Variants in SPAG16 observed in about 807,000 individuals in gnomAD.
SPAG16 encodes the protein sperm-associated antigen 16 protein.
SPAG16 carries 86 observed loss-of-function variants against 80.4 expected under a neutral mutation model. The ratio of observed to expected loss-of-function variants is 1.07; its 90% CI spans 0.90 to 1.28. The LOEUF is 1.28. SPAG16 is among the 50% of genes most tolerant of loss of function. The pLI, the probability that SPAG16 is intolerant of heterozygous loss-of-function variation, is 0.00. For synonymous variants in SPAG16, 294 were observed against 265.9 expected (o/e 1.11, Z -1.03); for missense variants, 870 against 765.3 (o/e 1.14, Z -1.61).
intron 10 of SPAG16, among the ~76,000 whole-genome samples, chr2:213,561,475 T>C (rs147343462): frequency 6.6e-6 from 1 of 152,278 alleles, no homozygotes; most frequent in Admixed American, 6.5e-5. Context: ...ATAGATATTC[T>C]ATTTACCTTG....
intron 7 of SPAG16, among the ~76,000 whole-genome samples, chr2:213,361,430 T>A (rs563590690): frequency 7.0e-6 from 1 of 143,270 alleles, no homozygotes; most frequent in Admixed American, 6.9e-5. Context: ...ATATATATAT[T>A]TTAGGTCTGT....
intron 10 of SPAG16, among the ~76,000 whole-genome samples, chr2:213,617,648 A>T (rs1049849644): frequency 6.6e-6 from 1 of 150,652 alleles, no homozygotes; most frequent in Non-Finnish European, 1.5e-5. Flanking sequence ...GCCCAAAATA[A>T]TTTTTTTTTT....
At chr2:213,762,387 A>G (rs1357857143) in intron 10 of SPAG16, among the ~76,000 whole-genome samples, 7 of 152,192 alleles carry the variant, frequency 4.6e-5, no homozygotes, top group Non-Finnish European at 1.0e-4. Flanking sequence ...TTACCACGAT[A>G]AAAAATGGAG....
chr2:213,616,141 A>G (rs2061589276), intron 10 of SPAG16, among the ~76,000 whole-genome samples: 1 of 152,224 alleles, frequency 6.6e-6, no homozygotes, highest in Non-Finnish European at 1.5e-5. Context: ...AAAGCCATGT[A>G]CCATTAAGTG....
intron 12 of SPAG16, among the ~76,000 whole-genome samples, chr2:213,965,663 G>C (rs2044673402): frequency 6.6e-6 from 1 of 152,042 alleles, no homozygotes; most frequent in Non-Finnish European, 1.5e-5. Context: ...AATTGCTTAC[G>C]ACCAAAGTCA....
rs183934364 is a variant in SPAG16, at chr2:213,330,131, G to A, written c.537-10032G>A. On this transcript the variant is annotated intron_variant, in intron 5 of 15. Coordinates refer to ENST00000331683, the MANE Select transcript of SPAG16 (RefSeq NM_024532.5). ...TGGAGAACCTCTGCTAAGGCAGTGC[G>A]GAAGGGAAATATGGGGTGGGAGCCC... is the stretch of plus-strand genomic sequence containing the variant. 8.8e-3 allele frequency among the ~76,000 whole-genome samples: 1,341 copies of A among 152,348 alleles called. 8 individuals are homozygous for A. Among genetic ancestry groups the A allele is most frequent in the Non-Finnish European group, 0.013 (918 of 68,038 alleles).
intron 15 of SPAG16, among the ~76,000 whole-genome samples, chr2:214,186,435 A>G (rs887826109): frequency 2.0e-5 from 3 of 152,170 alleles, no homozygotes; most frequent in African/African-American, 7.2e-5. Flanking sequence ...TTGGGGCTTG[A>G]GAAGAATGAG....
intron 15 of SPAG16, among the ~76,000 whole-genome samples, chr2:214,234,996 C>G (rs1024216806): frequency 6.6e-6 from 1 of 151,978 alleles, no homozygotes; most frequent in Non-Finnish European, 1.5e-5. Flanking sequence ...ATATTGAGGT[C>G]ATAGTCTGGA....
intron 15 of SPAG16, among the ~76,000 whole-genome samples, chr2:214,355,005 T>A (rs902792888): frequency 9.9e-5 from 15 of 152,170 alleles, no homozygotes; most frequent in African/African-American, 3.6e-4. Flanking sequence ...TTCTCCTGCC[T>A]AATTGCCCTG....
intron 2 of SPAG16, chr2:213,297,043 C>T (rs769573530): frequency 1.5e-6 from 2 of 1,372,016 alleles, no homozygotes; most frequent in South Asian, 2.6e-5. Flanking sequence ...TGCCCACAAA[C>T]TAATCCTGAA....
At chr2:214,316,966 C>A (rs1695742072) in intron 15 of SPAG16, among the ~76,000 whole-genome samples, 1 of 152,198 alleles carries the variant, frequency 6.6e-6, no homozygotes, top group Non-Finnish European at 1.5e-5. Flanking sequence ...AATAAGAAAT[C>A]TCTAATTATT....
chr2:213,640,991 A>G (rs192493450), intron 10 of SPAG16, among the ~76,000 whole-genome samples: 85 of 152,260 alleles, frequency 5.6e-4, no homozygotes, highest in African/African-American at 1.9e-3. Context: ...GGATAGGGCT[A>G]TAGAGCTTCC....
intron 13 of SPAG16, among the ~76,000 whole-genome samples, chr2:214,030,580 C>G (rs1434582557): frequency 1.3e-5 from 2 of 152,140 alleles, no homozygotes; most frequent in Non-Finnish European, 2.9e-5. Context: ...CATCTGAAAT[C>G]AACTAAAAAT....
chr2:213,322,898 G>C (rs1264747670), intron 5 of SPAG16, among the ~76,000 whole-genome samples: 1 of 152,094 alleles, frequency 6.6e-6, no homozygotes, highest in Non-Finnish European at 1.5e-5. Context: ...ATGTGGTGAA[G>C]ACAGGTTGGC....
At chr2:213,676,513 G>C (rs1446828630) in intron 10 of SPAG16, among the ~76,000 whole-genome samples, 3 of 151,840 alleles carry the variant, frequency 2.0e-5, no homozygotes, top group Non-Finnish European at 4.4e-5. Context: ...GATATTGGCT[G>C]TGGGTTTGTC....
chr2:213,379,730 A>T (rs1265175803), intron 9 of SPAG16, among the ~76,000 whole-genome samples: 1 of 152,182 alleles, frequency 6.6e-6, no homozygotes, highest in Non-Finnish European at 1.5e-5. Flanking sequence ...TGCCATATTG[A>T]GGGCTCAGTG....
At chr2:213,859,178 CAAAAAAAAAAAAA>C (rs1165853142) in intron 10 of SPAG16, among the ~76,000 whole-genome samples, 2 of 9,378 alleles carry the variant, frequency 2.1e-4, no homozygotes, top group African/African-American at 9.8e-4. Flanking sequence ...CACTCCGTCT[CAAAAAAAAAAAAA>C]AAAAAAAAAA....
chr2:213,743,982 G>A (rs2067699121), intron 10 of SPAG16, among the ~76,000 whole-genome samples: 1 of 152,020 alleles, frequency 6.6e-6, no homozygotes, highest in African/African-American at 2.4e-5. Flanking sequence ...CTTGCCTCTT[G>A]CATGCTTAGT....
chr2:213,924,545 A>G (rs976712144), intron 11 of SPAG16, among the ~76,000 whole-genome samples: 1 of 152,176 alleles, frequency 6.6e-6, no homozygotes, highest in Non-Finnish European at 1.5e-5. Flanking sequence ...CCTCTCTGTG[A>G]GAGCAGCACA....
Sources: gnomAD v4.1 joint callset for allele counts (sites outside exome capture counted in the v4.1 genomes callset) on GRCh38, gnomAD v4.1.1 for gene constraint, MANE v1.5 for transcripts, NCBI Gene and HGNC (gene_info 2026-07-23, HGNC 2026-07-21) for gene names.